LNPK: variants seen among roughly 807,000 people sequenced by gnomAD.
LNPK encodes the protein lunapark, ER junction formation factor.
LNPK carries 29 observed loss-of-function variants against 55.2 expected under a neutral mutation model. That is an observed-to-expected ratio of 0.53 (90% CI 0.39 to 0.72). The LOEUF is 0.72. LNPK is among the 30% of genes least tolerant of loss of function. The pLI, the probability that LNPK is intolerant of heterozygous loss-of-function variation, is 0.00. For missense variants in LNPK, 467 were observed against 494.8 expected (o/e 0.94, Z 0.53); for synonymous variants, 162 against 168.2 (o/e 0.96, Z 0.29).
intron 8 of LNPK, among the ~76,000 whole-genome samples, chr2:175,950,926 AAT>A (rs1444017299): frequency 6.6e-6 from 1 of 152,158 alleles, no homozygotes; most frequent in Non-Finnish European, 1.5e-5. Context: ...AATTATTTAA[AAT>A]ATATAGATAC....
chr2:175,952,949 T>C (rs1039273381), intron 8 of LNPK, among the ~76,000 whole-genome samples: 4 of 152,120 alleles, frequency 2.6e-5, no homozygotes, highest in Non-Finnish European at 5.9e-5. Context: ...TATCAATCCT[T>C]TGGGGTAACT....
intron 5 of LNPK, among the ~76,000 whole-genome samples, chr2:175,978,847 G>GA (rs1687031524): frequency 6.6e-6 from 1 of 152,130 alleles, no homozygotes; most frequent in Non-Finnish European, 1.5e-5. Flanking sequence ...AGATAAGTAG[G>GA]AAGAGAAGGA....
At chr2:175,959,571 T>C (rs1031184893) in intron 8 of LNPK, among the ~76,000 whole-genome samples, 7 of 151,994 alleles carry the variant, frequency 4.6e-5, no homozygotes, top group Admixed American at 3.9e-4. Flanking sequence ...GCACTAAACA[T>C]GGAAAGGAAC....
intron 3 of LNPK, among the ~76,000 whole-genome samples, chr2:175,992,804 A>T (rs1472198506): frequency 6.6e-6 from 1 of 152,156 alleles, no homozygotes; most frequent in Non-Finnish European, 1.5e-5. Flanking sequence ...TTAAAACAGT[A>T]ACCCATCTAT....
intron 6 of LNPK, among the ~76,000 whole-genome samples, chr2:175,966,069 T>C (rs1219465728): frequency 6.6e-6 from 1 of 152,156 alleles, no homozygotes; most frequent in Non-Finnish European, 1.5e-5. Flanking sequence ...ACTTTTGTTT[T>C]GTTTCATTTT....
chr2:175,945,340 AC>A (rs200547447), intron 9 of LNPK, among the ~76,000 whole-genome samples: 3,791 of 151,386 alleles, frequency 0.025, 160 homozygotes, highest in African/African-American at 0.086. Flanking sequence ...CGAAACTCCT[AC>A]TAAAAATACA....
intron 10 of LNPK, 51 bp from the exon 11 acceptor site, chr2:175,938,434 C>CAA: frequency 9.9e-7 from 1 of 1,008,578 alleles, no homozygotes; most frequent in Non-Finnish European, 1.5e-6. Flanking sequence ...AAACAAAGCT[C>CAA]ATGACAGAGA....
chr2:175,984,434 A>G (rs1687317159), intron 4 of LNPK, among the ~76,000 whole-genome samples: 2 of 152,102 alleles, frequency 1.3e-5, no homozygotes, highest in African/African-American at 2.4e-5. Context: ...TCAGTCTCCC[A>G]AAGTGCTGGG....
At chr2:175,939,468 C>A in intron 10 of LNPK, 84 bp downstream of exon 10, 1 of 621,616 alleles carries the variant, frequency 1.6e-6, no homozygotes, top group Non-Finnish European at 2.7e-6. Flanking sequence ...AAATAGGTGC[C>A]ACAAAACTAA....
At chr2:175,937,707 T>G (rs1210067645) in intron 11 of LNPK, 193 bp from the exon 12 acceptor site, 1 of 432,668 alleles carries the variant, frequency 2.3e-6, no homozygotes, top group African/African-American at 2.0e-5. Context: ...ATTAGAATTT[T>G]AATTTTTAAA....
At chr2:175,972,304 T>C (rs998790721) in intron 5 of LNPK, among the ~76,000 whole-genome samples, 4 of 152,196 alleles carry the variant, frequency 2.6e-5, no homozygotes, top group African/African-American at 9.7e-5. Context: ...AAATGCTTGG[T>C]GCTAGAAGTG....
intron 1 of LNPK, among the ~76,000 whole-genome samples, chr2:175,999,680 A>C (rs1475231463): frequency 6.6e-6 from 1 of 152,182 alleles, no homozygotes; most frequent in Non-Finnish European, 1.5e-5. Context: ...TCTCCCATGA[A>C]CATGTACAGA....
At chr2:175,953,797 T>C (rs1685546603) in intron 8 of LNPK, among the ~76,000 whole-genome samples, 1 of 151,626 alleles carries the variant, frequency 6.6e-6, no homozygotes, top group African/African-American at 2.4e-5. Flanking sequence ...AAAGTATTCT[T>C]CATAAAATGC....
At chr2:175,977,048 C>G (rs755295817) in intron 5 of LNPK, among the ~76,000 whole-genome samples, 9 of 152,010 alleles carry the variant, frequency 5.9e-5, no homozygotes, top group Middle Eastern at 3.2e-3. Context: ...AGGGGAGGAG[C>G]AATATTAATT....
intron 12 of LNPK, among the ~76,000 whole-genome samples, chr2:175,936,090 C>T (rs371168922): frequency 1.5e-4 from 23 of 152,144 alleles, no homozygotes; most frequent in African/African-American, 5.1e-4. Flanking sequence ...CATGTGACAG[C>T]ATGCAGCTCA....
intron 4 of LNPK, among the ~76,000 whole-genome samples, chr2:175,990,738 G>A (rs1687665822): frequency 6.6e-6 from 1 of 151,944 alleles, no homozygotes; most frequent in East Asian, 1.9e-4. Flanking sequence ...TGGATAACCG[G>A]TCTGTGCTTC....
At chr2:175,958,591 G>A (rs1197455712) in intron 8 of LNPK, among the ~76,000 whole-genome samples, 1 of 152,204 alleles carries the variant, frequency 6.6e-6, no homozygotes, top group East Asian at 1.9e-4. Context: ...ACCAAAGGTA[G>A]ATAAAACCAC....
chr2:175,929,558 T>C lies in LNPK; in HGVS notation c.*409A>G. On this transcript the variant is annotated 3_prime_UTR_variant, in exon 13 of 13. Transcript: ENST00000272748. Reference sequence around the variant, plus strand: ...CTATCAATTTTTAATAATGAAGTAGTCAAAATCTTAACCAAGTTTCATTCC... The same window carrying C: ...CTATCAATTTTTAATAATGAAGTAGCCAAAATCTTAACCAAGTTTCATTCC... 1.0e-6 allele frequency: 1 copy of C among 994,654 alleles called. No individual in the cohort carries two copies. The highest frequency in any genetic ancestry group is 1.2e-6 in the Non-Finnish European group (1 of 835,470). The allele number at this position is 994,654 out of a possible 1,614,324, so 61.6% of individuals were successfully genotyped here.
At chr2:175,994,766 C>T (rs1197314761) in intron 2 of LNPK, among the ~76,000 whole-genome samples, 1 of 152,126 alleles carries the variant, frequency 6.6e-6, no homozygotes, top group African/African-American at 2.4e-5. Flanking sequence ...GATACTTCCT[C>T]TAAAAGCTTA....
Sources: allele counts gnomAD v4.1 joint callset (sites outside exome capture counted in the v4.1 genomes callset), GRCh38; gene constraint gnomAD v4.1.1; transcripts MANE v1.5; gene names NCBI Gene and HGNC (gene_info 2026-07-23, HGNC 2026-07-21).